The following FARP1 variants were observed in gnomAD, a reference collection of about 807,000 sequenced individuals.
FARP1 encodes FERM, ARHGEF and pleckstrin domain-containing protein 1.
In FARP1, 52 loss-of-function variants were observed where a neutral mutation model predicts 128.8. That is an observed-to-expected ratio of 0.40 (90% CI 0.32 to 0.51). FARP1 has a LOEUF of 0.51. FARP1 is among the 20% of genes least tolerant of loss of function. The pLI is 0.45. For missense variants in FARP1, 1,333 were observed against 1,367.9 expected, an observed-to-expected ratio of 0.97 and a Z score of 0.40; for synonymous variants, 580 against 551.8, an observed-to-expected ratio of 1.05 and a Z score of -0.72.
chr13:98,286,310 C>CT (rs969862044), intron 2 of FARP1, among the ~76,000 whole-genome samples: 4 of 152,150 alleles, frequency 2.6e-5, no homozygotes, highest in Non-Finnish European at 5.9e-5. Flanking sequence ...TTCTGCCTCC[C>CT]TTAGTATCTG....
Position 98,151,658 on chromosome 13 carries a change from A to ATTTTTTTTTTTTTTT in FARP1, c.-24+8167_-24+8168insTTTTTTTTTTTTTTT, listed in dbSNP as rs1197060435. On this transcript the variant is annotated intron_variant, in intron 1 of 26. Transcript: ENST00000319562. ...ACAAACCTGCCCTTATATATCTTCC[A>ATTTTTTTTTTTTTTT]TCTTTTTTTTTTTTTTTTTTTGAGA... Among the ~76,000 whole-genome samples the ATTTTTTTTTTTTTTT allele has an allele frequency of 8.7e-4, 21 of 24,162 alleles. 1 individual carries two copies. The highest frequency in any genetic ancestry group is 2.8e-3 in the Non-Finnish European group (17 of 5,996). The allele number at this position is 24,162 out of a possible 152,430, so 15.9% of individuals were successfully genotyped here. A position where few individuals can be genotyped will look rare whatever the true frequency, so the allele number is the denominator to read the frequency against.
In FARP1 at chr13:98,362,763, C is replaced by T. The variant is rs537050880; in HGVS notation, c.277-2632C>T. ...CCAAGGACACCTCAGAAAATTAACTCGGCTGGAACCTCTCAGTCCCAGTCA... is the reference window on the plus strand; with the variant it reads ...CCAAGGACACCTCAGAAAATTAACTTGGCTGGAACCTCTCAGTCCCAGTCA... On this transcript the variant is annotated intron_variant, in intron 3 of 26. Coordinates refer to ENST00000319562, the MANE Select transcript of FARP1 (RefSeq NM_005766.4). Among the ~76,000 whole-genome samples the T allele has an allele frequency of 2.3e-4, 35 of 152,300 alleles. No individual in the cohort carries two copies. The South Asian group carries it at 6.6e-3, about 29-fold the overall frequency.
At chr13:98,284,523 A>G (rs575904554) in intron 2 of FARP1, among the ~76,000 whole-genome samples, 29 of 152,338 alleles carry the variant, frequency 1.9e-4, no homozygotes, top group African/African-American at 6.7e-4. Context: ...GCTTCAGCAG[A>G]CACATAGATA....
intron 2 of FARP1, among the ~76,000 whole-genome samples, chr13:98,303,956 TA>T (rs1886026714): frequency 6.6e-6 from 1 of 152,226 alleles, no homozygotes; most frequent in Non-Finnish European, 1.5e-5. Context: ...GTTCACTCGT[TA>T]CTTGACCGAA....
At chr13:98,444,683 GGCAGAA>G in intron 24 of FARP1, among the ~76,000 whole-genome samples, 1 of 152,358 alleles carries the variant, frequency 6.6e-6, no homozygotes, top group South Asian at 2.1e-4. Flanking sequence ...GGAATGGCCA[GGCAGAA>G]GCTAGAGAGC....
At chr13:98,409,681 T>C (rs1042452542) in intron 14 of FARP1, among the ~76,000 whole-genome samples, 156 bp downstream of exon 14, 2 of 152,256 alleles carry the variant, frequency 1.3e-5, no homozygotes, top group Non-Finnish European at 2.9e-5. Flanking sequence ...TTCATGTTGT[T>C]GTGCCACTGT....
At chr13:98,332,255 C>G (rs1290481260) in intron 2 of FARP1, 1 of 152,152 alleles carries the variant, frequency 6.6e-6, no homozygotes, top group Non-Finnish European at 1.5e-5. Context: ...CCTCCACCCC[C>G]AGCCCTACAA....
At chr13:98,157,325 C>T (rs1266348861) in intron 1 of FARP1, among the ~76,000 whole-genome samples, 1 of 151,634 alleles carries the variant, frequency 6.6e-6, no homozygotes, top group Non-Finnish European at 1.5e-5. Flanking sequence ...CTGATCAGTC[C>T]CCCTCCCCCA....
At chr13:98,417,022 A>G (rs939017380) in intron 16 of FARP1, among the ~76,000 whole-genome samples, 1 of 152,202 alleles carries the variant, frequency 6.6e-6, no homozygotes, top group African/African-American at 2.4e-5. Flanking sequence ...TCGAGATATC[A>G]CTGAGCAGCC....
At chr13:98,153,478 A>C (rs1371798416) in intron 1 of FARP1, among the ~76,000 whole-genome samples, 7 of 36,178 alleles carry the variant, frequency 1.9e-4, no homozygotes, top group African/African-American at 3.2e-4. Flanking sequence ...AAATATGTAT[A>C]ATATATAATA....
At position 98,409,468 on chromosome 13, in the gene FARP1, G is replaced by C; in HGVS notation, c.1545G>C (p.Pro515=). The C allele has an allele frequency of 6.2e-7, 1 of 1,613,880 alleles. No individual in the cohort carries two copies. The highest frequency in any genetic ancestry group is 1.3e-5 in the African/African-American group (1 of 75,000). ...DTKQASPLIS[P]LLNDQACPRT... is the part of the protein sequence containing the mutation. ...AGCAGGCCTCTCCCTTGATCAGCCC[G>C]CTGCTGAATGACCAGGCCTGCCCCC... is the stretch of plus-strand genomic sequence containing the variant. Residue 515 remains proline (P), a synonymous_variant, in exon 14 of 27, where the codon CCG becomes CCC. Coordinates refer to ENST00000319562, the MANE Select transcript of FARP1 (RefSeq NM_005766.4).
rs547241664 is a variant in FARP1 at position 98,208,315 on chromosome 13, G to GA, written c.-23-4889dup. Among the ~76,000 whole-genome samples, 760 of 129,576 alleles carry GA rather than the reference G, an allele frequency of 5.9e-3. 4 individuals carry two copies. The highest frequency in any genetic ancestry group is 0.024 in the Middle Eastern group (6 of 250). The allele number at this position is 129,576 out of a possible 152,430, so 85.0% of individuals were successfully genotyped here. On this transcript the variant is annotated intron_variant, in intron 1 of 26. Coordinates refer to ENST00000319562, the MANE Select transcript of FARP1 (RefSeq NM_005766.4). ...GGTGAAACCCCATCTCTACTGGGGA[G>GA]AAAAAAAAAAAAAAAAGCCGGGCAT... is the stretch of plus-strand genomic sequence containing the variant.
At chr13:98,438,400 G>C (rs145293958) in intron 19 of FARP1, among the ~76,000 whole-genome samples, 1 of 152,074 alleles carries the variant, frequency 6.6e-6, no homozygotes, top group Non-Finnish European at 1.5e-5. Context: ...CTCCCTCACC[G>C]TGGGGAGCCC....
intron 2 of FARP1, among the ~76,000 whole-genome samples, chr13:98,314,972 C>T (rs187333283): frequency 1.4e-4 from 22 of 152,262 alleles, no homozygotes; most frequent in African/African-American, 4.8e-4. Flanking sequence ...AACACCAGGA[C>T]CCTGTGTGGG....
At chr13:98,362,979 T>G (rs1888933891) in intron 3 of FARP1, among the ~76,000 whole-genome samples, 1 of 152,370 alleles carries the variant, frequency 6.6e-6, no homozygotes, top group African/African-American at 2.4e-5. Flanking sequence ...CTTCTGCCAT[T>G]CTGGTCCAAA....
chr13:98,259,239 T>G (rs1047182852), intron 2 of FARP1, among the ~76,000 whole-genome samples: 1 of 152,314 alleles, frequency 6.6e-6, no homozygotes, highest in Middle Eastern at 3.4e-3. Flanking sequence ...TGTATATTTT[T>G]ATATTCTCTC....
At chr13:98,181,471 T>G (rs1449935532) in intron 1 of FARP1, among the ~76,000 whole-genome samples, 3 of 152,128 alleles carry the variant, frequency 2.0e-5, no homozygotes, top group Non-Finnish European at 4.4e-5. Flanking sequence ...ATGAAAAGAT[T>G]GTTCTTTATT....
chr13:98,395,717 C>T, intron 13 of FARP1: 1 of 435,546 alleles, frequency 2.3e-6, no homozygotes, highest in African/African-American at 2.0e-5. Flanking sequence ...TCTGCGAAGT[C>T]CTCCCGGCCT....
chr13:98,313,263 AC>A, intron 2 of FARP1, among the ~76,000 whole-genome samples: 1 of 150,948 alleles, frequency 6.6e-6, no homozygotes, highest in African/African-American at 2.4e-5. Context: ...ACACACACAC[AC>A]ACACACACAC....
Sources: allele counts gnomAD v4.1 joint callset (sites outside exome capture counted in the v4.1 genomes callset), GRCh38; gene constraint gnomAD v4.1.1; transcripts MANE v1.5; gene names NCBI Gene and HGNC (gene_info 2026-07-23, HGNC 2026-07-21).